Variants in CCSER1 observed in about 807,000 individuals in gnomAD.
The protein encoded by CCSER1 is coiled-coil serine rich protein 1, also known as serine-rich coiled-coil domain-containing protein 1.
In CCSER1, 41 loss-of-function variants were observed where a neutral mutation model predicts 82.0. The observed-to-expected ratio is 0.50, with a 90% CI of 0.39 to 0.65. The LOEUF is 0.65. Among genes scored for constraint, CCSER1 ranks in the 30% least tolerant of loss-of-function variants. The probability of loss-of-function intolerance (pLI) is 0.00; values close to 1 mark genes in which losing one functional copy is unlikely to be tolerated. For synonymous variants in CCSER1, 414 were observed against 383.9 expected (o/e 1.08, Z -0.92); for missense variants, 1,119 against 1,064.2 (o/e 1.05, Z -0.72).
At chr4:90,549,013 T>TCCATG (rs1777134418) in intron 5 of CCSER1, among the ~76,000 whole-genome samples, 2 of 152,028 alleles carry the variant, frequency 1.3e-5, no homozygotes, top group African/African-American at 4.8e-5. Flanking sequence ...ATAACAACAG[T>TCCATG]CTTAGGAACA....
chr4:90,130,665 C>G (rs1205620295), intron 1 of CCSER1, among the ~76,000 whole-genome samples: 1 of 151,946 alleles, frequency 6.6e-6, no homozygotes, highest in African/African-American at 2.4e-5. Flanking sequence ...GCTCTGTCAC[C>G]CAGGCTGGAT....
At chr4:91,163,310 G>A (rs12512302) in intron 10 of CCSER1, among the ~76,000 whole-genome samples, 29,530 of 152,080 alleles carry the variant, frequency 0.19, 3,157 homozygotes, top group Non-Finnish European at 0.23. Flanking sequence ...TTGTTGTGAT[G>A]TCTGTTCTTT....
chr4:91,135,241 A>T (rs909310853), intron 10 of CCSER1, among the ~76,000 whole-genome samples: 53 of 152,270 alleles, frequency 3.5e-4, no homozygotes, highest in African/African-American at 1.3e-3. Context: ...CTAATTGTAA[A>T]GAAATATTAG....
intron 4 of CCSER1, among the ~76,000 whole-genome samples, chr4:90,417,960 G>A (rs1412623788): frequency 3.9e-5 from 6 of 152,024 alleles, no homozygotes; most frequent in Non-Finnish European, 5.9e-5. Context: ...TGTGTCTAAA[G>A]TATTTTTAAT....
chr4:90,398,537 T>A (rs1419908443), intron 3 of CCSER1, among the ~76,000 whole-genome samples: 1 of 152,166 alleles, frequency 6.6e-6, no homozygotes, highest in Non-Finnish European at 1.5e-5. Flanking sequence ...TTTAAAAAGC[T>A]TTTCCTTTTC....
At chr4:91,169,188 G>T (rs1204787108) in intron 10 of CCSER1, among the ~76,000 whole-genome samples, 3 of 109,134 alleles carry the variant, frequency 2.7e-5, no homozygotes, top group Non-Finnish European at 3.7e-5. Flanking sequence ...ACCCAAGAAT[G>T]ATCAATAAAT....
intron 5 of CCSER1, among the ~76,000 whole-genome samples, chr4:90,572,059 T>C (rs1003131226): frequency 6.6e-6 from 1 of 152,190 alleles, no homozygotes; most frequent in Non-Finnish European, 1.5e-5. Context: ...GTAAGACAGG[T>C]CTCATGGTGA....
At chr4:90,751,157 TA>T (rs1430955662) in intron 7 of CCSER1, among the ~76,000 whole-genome samples, 5 of 152,090 alleles carry the variant, frequency 3.3e-5, no homozygotes, top group African/African-American at 9.7e-5. Flanking sequence ...ACTACACATA[TA>T]AAAAAGTAAG....
intron 1 of CCSER1, among the ~76,000 whole-genome samples, chr4:90,283,487 A>G (rs7663400): frequency 0.016 from 2,394 of 152,156 alleles, 38 homozygotes; most frequent in African/African-American, 0.048. Context: ...TATCCATAAT[A>G]TTAAAGATCT....
intron 5 of CCSER1, among the ~76,000 whole-genome samples, chr4:90,499,174 G>A (rs1367165688): frequency 6.6e-6 from 1 of 151,640 alleles, no homozygotes; most frequent in African/African-American, 2.4e-5. Context: ...GACATTTTAA[G>A]GCTTTATTAC....
chr4:90,179,073 A>G (rs1406562063), intron 1 of CCSER1, among the ~76,000 whole-genome samples: 2 of 152,146 alleles, frequency 1.3e-5, no homozygotes, highest in Non-Finnish European at 2.9e-5. Flanking sequence ...ATGCTGGTGT[A>G]GGAAGTGATT....
At chr4:91,223,955 A>C (rs1361987423) in intron 10 of CCSER1, among the ~76,000 whole-genome samples, 4 of 152,118 alleles carry the variant, frequency 2.6e-5, no homozygotes, top group African/African-American at 9.6e-5. Context: ...TATAAAAATT[A>C]ATAGTAAGGT....
chr4:90,155,597 T>G (rs369883759), intron 1 of CCSER1, among the ~76,000 whole-genome samples: 1 of 152,136 alleles, frequency 6.6e-6, no homozygotes, highest in Non-Finnish European at 1.5e-5. Context: ...TTCTTCCTGG[T>G]TTAGTCTTGG....
At chr4:90,542,554 G>T (rs1352018522) in intron 5 of CCSER1, among the ~76,000 whole-genome samples, 1 of 152,034 alleles carries the variant, frequency 6.6e-6, no homozygotes, top group African/African-American at 2.4e-5. Context: ...ATGACAAACT[G>T]TGCTAACAAA....
chr4:90,617,587 G>A (rs113778594), intron 5 of CCSER1, among the ~76,000 whole-genome samples: 1,524 of 152,250 alleles, frequency 0.01, 21 homozygotes, highest in African/African-American at 0.034. Context: ...AAAGGAGTTA[G>A]GAAAAGATTC....
intron 1 of CCSER1, among the ~76,000 whole-genome samples, chr4:90,131,260 C>T (rs527283719): frequency 3.1e-4 from 47 of 152,318 alleles, no homozygotes; most frequent in African/African-American, 1.0e-3. Flanking sequence ...CTCGGCCTCC[C>T]GAAGTGCTGG....
chr4:90,688,165 T>C (rs1735161436), intron 6 of CCSER1, among the ~76,000 whole-genome samples: 1 of 152,156 alleles, frequency 6.6e-6, no homozygotes. Flanking sequence ...GTTAAGGACA[T>C]CTGTATACTT....
intron 8 of CCSER1, among the ~76,000 whole-genome samples, chr4:90,861,834 G>A (rs1765118560): frequency 6.7e-6 from 1 of 150,262 alleles, no homozygotes. Context: ...GAGATTAAAT[G>A]TAATATTTCA....
chr4:90,403,691 C>T (rs1287355441), intron 4 of CCSER1, among the ~76,000 whole-genome samples: 1 of 151,820 alleles, frequency 6.6e-6, no homozygotes, highest in African/African-American at 2.4e-5. Flanking sequence ...TACTGAAAAT[C>T]ATTAAAGGGG....
Sources: gnomAD v4.1 joint callset for allele counts (sites outside exome capture counted in the v4.1 genomes callset) on GRCh38, gnomAD v4.1.1 for gene constraint, MANE v1.5 for transcripts, NCBI Gene and HGNC (gene_info 2026-07-23, HGNC 2026-07-21) for gene names.